The following NUDT5 variants were observed in gnomAD, a reference collection of about 807,000 sequenced individuals.
The protein encoded by NUDT5 is nudix hydrolase 5.
In NUDT5, 21 loss-of-function variants were observed where a neutral mutation model predicts 34.1. That is an observed-to-expected ratio of 0.62 (90% CI 0.44 to 0.89). The LOEUF (loss-of-function observed/expected upper bound fraction) is 0.89. Ranked by LOEUF, NUDT5 falls within the 40% of genes least tolerant of loss-of-function variation. NUDT5 has a pLI of 0.00. For missense variants in NUDT5, 249 were observed against 274.8 expected, an observed-to-expected ratio of 0.91 and a Z score of 0.66; for synonymous variants, 85 against 97.6, an observed-to-expected ratio of 0.87 and a Z score of 0.76.
At chr10:12,167,936 CG>C (rs1476807852) in intron 9 of NUDT5, 125 bp from the exon 10 acceptor site, 38 of 1,427,108 alleles carry the variant, frequency 2.7e-5, no homozygotes, top group Middle Eastern at 1.8e-4. Flanking sequence ...CTGGTGATAA[CG>C]TTTTTTTTGG....
In NUDT5 at chr10:12,176,881, G is replaced by T. The variant is rs928987244; in HGVS notation, c.289+912C>A. Among the ~76,000 whole-genome samples the T allele has an allele frequency of 4.6e-5, 7 of 151,454 alleles. No homozygotes were observed. The East Asian group carries it at 9.8e-4, about 21-fold the overall frequency. On this transcript the variant is annotated intron_variant, in intron 5 of 9. Transcript: ENST00000491614. ...TCACACCTGTAATTCCAACACTTTG[G>T]GGGGCCAAAGTGGGTGGATCACCTG...
intron 1 of NUDT5, among the ~76,000 whole-genome samples, chr10:12,188,954 G>A (rs939362518): frequency 2.6e-5 from 4 of 152,182 alleles, no homozygotes; most frequent in African/African-American, 7.2e-5. Flanking sequence ...GTTTAATTTG[G>A]TGACTTCTGA....
In NUDT5 at chr10:12,175,213, G is replaced by C. The variant is rs1238546808; in HGVS notation, c.290-1400C>G. ...GTACGCACCTGTATTCCAGCTACGC[G>C]GGAGGCTGAGGCAGGAGAATCGCTT... On this transcript the variant is annotated intron_variant, in intron 5 of 9. Transcript: ENST00000491614. This position sits in a 1 kb window ranked among gnomAD's most constrained non-coding sequence, Gnocchi z 4.8. Among the ~76,000 whole-genome samples the C allele has an allele frequency of 6.6e-6, 1 of 152,134 alleles. No homozygotes were observed. The highest frequency in any genetic ancestry group is 2.4e-5 in the African/African-American group (1 of 41,438).
intron 4 of NUDT5, 54 bp downstream of exon 4, chr10:12,179,029 G>A (rs778170002): frequency 1.5e-5 from 21 of 1,446,002 alleles, no homozygotes; most frequent in African/African-American, 4.2e-5. Context: ...ACCCTCTTAC[G>A]ATCACAAGTG....
rs749290425 is a variant in NUDT5 at position 12,169,363 on chromosome 10, G to A, written c.550+1354C>T. 15 of 1,416,958 alleles carry A rather than the reference G, an allele frequency of 1.1e-5. No individual in the cohort carries two copies. Among genetic ancestry groups the A allele is most frequent in the East Asian group, 5.1e-5 (2 of 39,482 alleles). 87.8% of individuals were successfully genotyped at this position (1,416,958 alleles called of 1,614,324 possible). On this transcript the variant is annotated intron_variant, in intron 9 of 9. Coordinates refer to ENST00000491614, the MANE Select transcript of NUDT5 (RefSeq NM_014142.4). The surrounding 1 kb of genome is among the most constrained non-coding windows in gnomAD (Gnocchi z 4.8). ...CGCACGGCATTTCACACTTGCCTAC[G>A]TCACCCTGCTTTCCACGCACCTCCT...
intron 1 of NUDT5, among the ~76,000 whole-genome samples, chr10:12,194,033 C>A (rs1835285166): frequency 6.6e-6 from 1 of 152,220 alleles, no homozygotes; most frequent in Non-Finnish European, 1.5e-5. Flanking sequence ...TGCGCCAACA[C>A]GCCCGGCTAA....
At position 12,185,951 on chromosome 10, in the gene NUDT5, ATTCT is replaced by A. The variant is rs533110987; in HGVS notation, c.63+274_63+277del. Among the ~76,000 whole-genome samples the A allele has an allele frequency of 1.5e-3, 225 of 152,348 alleles. 1 individual carries two copies. The highest frequency in any genetic ancestry group is 5.2e-3 in the African/African-American group (217 of 41,574). On this transcript the variant is annotated intron_variant, in intron 2 of 9. Coordinates refer to ENST00000491614, the MANE Select transcript of NUDT5 (RefSeq NM_014142.4). ...AATATCTGAGTCCGCAAATGCATAT[ATTCT>A]TTCTTCTTCTATCTAGGGAAATACA...
In NUDT5 at chr10:12,182,678, G is replaced by A. The variant is rs533973508; in HGVS notation, c.131+2211C>T. On this transcript the variant is annotated intron_variant, in intron 3 of 9. Coordinates refer to ENST00000491614, the MANE Select transcript of NUDT5 (RefSeq NM_014142.4). This position sits in a 1 kb window ranked among gnomAD's most constrained non-coding sequence, Gnocchi z 4.3. ...TGATGTACATCCCTGATTAGGAAAT[G>A]CAGGAAGGGCAGAAGACCAGTCAGG... is the stretch of plus-strand genomic sequence containing the variant. 4.6e-5 allele frequency among the ~76,000 whole-genome samples: 7 copies of A among 152,302 alleles called. No individual in the cohort carries two copies. In the South Asian group the frequency reaches 6.2e-4, roughly 14 times the overall value.
At chr10:12,172,713 C>G in intron 7 of NUDT5, 52 bp downstream of exon 7, 1 of 1,264,502 alleles carries the variant, frequency 7.9e-7, no homozygotes. Context: ...CAGCAAGTTC[C>G]AAGACACGTA....
At chr10:12,192,665 A>G (rs1179153867) in intron 1 of NUDT5, among the ~76,000 whole-genome samples, 2 of 152,072 alleles carry the variant, frequency 1.3e-5, no homozygotes, top group African/African-American at 4.8e-5. Flanking sequence ...CCTAACCAAC[A>G]TAGTGAAACC....
intron 1 of NUDT5, among the ~76,000 whole-genome samples, chr10:12,191,893 A>G (rs552745252): frequency 2.6e-5 from 4 of 152,212 alleles, no homozygotes; most frequent in Non-Finnish European, 5.9e-5. Context: ...AAGTTAAACT[A>G]TGAACTCAAA....
intron 3 of NUDT5, 57 bp from the exon 4 acceptor site, chr10:12,179,189 G>C (rs1400902695): frequency 2.4e-5 from 35 of 1,448,004 alleles, no homozygotes; most frequent in Non-Finnish European, 3.3e-5. Flanking sequence ...AATTTTCTTA[G>C]GTTTTCTCTG....
intron 2 of NUDT5, 79 bp downstream of exon 2, chr10:12,186,150 T>C (rs1000109990): frequency 8.1e-5 from 90 of 1,104,694 alleles, no homozygotes; most frequent in South Asian, 6.3e-4. Flanking sequence ...AAGACCACCA[T>C]TGTAACAACA....
rs1319250800 is a variant in NUDT5, at chr10:12,168,722, C to G, written c.551-911G>C. Among the ~76,000 whole-genome samples, 1 of 152,120 alleles carries G rather than the reference C, an allele frequency of 6.6e-6. No individual in the cohort carries two copies. The highest frequency in any genetic ancestry group is 1.5e-5 in the Non-Finnish European group (1 of 68,006). On this transcript the variant is annotated intron_variant, in intron 9 of 9. Transcript: ENST00000491614. This position sits in a 1 kb window ranked among gnomAD's most constrained non-coding sequence, Gnocchi z 4.8. ...CCTGGGCACAGCAGGTGCTTGGTAA[C>G]TGGCAGATGCTACTCTTTGTAGCAA... is the stretch of plus-strand genomic sequence containing the variant.
intron 3 of NUDT5, among the ~76,000 whole-genome samples, chr10:12,179,490 G>T (rs1588658668): frequency 6.6e-6 from 1 of 152,208 alleles, no homozygotes; most frequent in Non-Finnish European, 1.5e-5. Flanking sequence ...TAATGCAAAT[G>T]AAGCCATAGG....
At position 12,167,571 on chromosome 10, in the gene NUDT5, A is replaced by C. The variant is rs1478378836; in HGVS notation, c.*131T>G. The C allele has an allele frequency of 1.3e-5, 10 of 784,638 alleles. No homozygotes were observed. Among genetic ancestry groups the C allele is most frequent in the Non-Finnish European group, 1.6e-5 (8 of 494,698 alleles). 48.6% of individuals were successfully genotyped at this position (784,638 alleles called of 1,614,324 possible). On this transcript the variant is annotated 3_prime_UTR_variant, in exon 10 of 10. Transcript: ENST00000491614. ...GTAATTACAATTCCATACCACCACC[A>C]CATCTGTTCTGTGCTTTTATTTTAC...
At chr10:12,179,703 G>A (rs1444709202) in intron 3 of NUDT5, among the ~76,000 whole-genome samples, 1 of 152,136 alleles carries the variant, frequency 6.6e-6, no homozygotes, top group East Asian at 1.9e-4. Context: ...TCTAGAAAAA[G>A]TGGGCTGAGT....
At chr10:12,185,611 C>T (rs1237052128) in intron 2 of NUDT5, among the ~76,000 whole-genome samples, 1 of 152,234 alleles carries the variant, frequency 6.6e-6, no homozygotes, top group African/African-American at 2.4e-5. Flanking sequence ...TCCTACTATC[C>T]TATCTTTCAC....
Position 12,168,788 on chromosome 10 carries a change from G to A in NUDT5, c.551-977C>T, listed in dbSNP as rs1258025799. On this transcript the variant is annotated intron_variant, in intron 9 of 9. Coordinates refer to ENST00000491614, the MANE Select transcript of NUDT5 (RefSeq NM_014142.4). This position sits in a 1 kb window ranked among gnomAD's most constrained non-coding sequence, Gnocchi z 4.8. ...ATTTTTTTTTTATGTTTTTGAGATG[G>A]AGTCTCACTTTGTCGCCAGGCTGCA... 1.3e-5 allele frequency among the ~76,000 whole-genome samples: 2 copies of A among 151,878 alleles called. No individual in the cohort carries two copies. The highest frequency in any genetic ancestry group is 6.6e-5 in the Admixed American group (1 of 15,256).
Sources: allele counts gnomAD v4.1 joint callset (sites outside exome capture counted in the v4.1 genomes callset), GRCh38; gene constraint gnomAD v4.1.1; non-coding constraint Gnocchi (gnomAD v3.1); transcripts MANE v1.5; gene names NCBI Gene and HGNC (gene_info 2026-07-23, HGNC 2026-07-21).